PLPP1: variants seen among roughly 807,000 people sequenced by gnomAD.
PLPP1 encodes phospholipid phosphatase 1.
Under a neutral mutation model 31.2 loss-of-function variants are expected in PLPP1, and 24 were observed. The observed-to-expected ratio is 0.77, with a 90% CI of 0.56 to 1.08. PLPP1 has a LOEUF of 1.08. Ranked by LOEUF, PLPP1 falls within the 50% of genes least tolerant of loss-of-function variation. The pLI, the probability that PLPP1 is intolerant of heterozygous loss-of-function variation, is 0.00. For synonymous variants in PLPP1, 146 were observed against 126.3 expected (o/e 1.16, Z -1.05); for missense variants, 319 against 342.7 (o/e 0.93, Z 0.55).
chr5:55,503,502 G>A (rs1295598225), intron 1 of PLPP1, among the ~76,000 whole-genome samples: 7 of 152,066 alleles, frequency 4.6e-5, no homozygotes, highest in Middle Eastern at 3.4e-3. Context: ...TTGGCTGGGT[G>A]CGGTAGTTCA....
intron 1 of PLPP1, among the ~76,000 whole-genome samples, chr5:55,479,357 T>C (rs1277561221): frequency 6.6e-6 from 1 of 152,196 alleles, no homozygotes; most frequent in Non-Finnish European, 1.5e-5. Flanking sequence ...CATTACCCAG[T>C]GCCATTTCAT....
intron 1 of PLPP1, among the ~76,000 whole-genome samples, chr5:55,487,043 A>G (rs1459447438): frequency 2.0e-5 from 3 of 152,204 alleles, no homozygotes; most frequent in Non-Finnish European, 1.5e-5. Context: ...CTATACTGTT[A>G]TTTTAGGCTA....
At chr5:55,428,659 GC>G (rs1751267879) in intron 4 of PLPP1, among the ~76,000 whole-genome samples, 3 of 152,196 alleles carry the variant, frequency 2.0e-5, no homozygotes, top group African/African-American at 7.2e-5. Flanking sequence ...AATGTCTGAA[GC>G]TTCTCAATAC....
chr5:55,467,617 A>G (rs1470510634), intron 3 of PLPP1, among the ~76,000 whole-genome samples: 4 of 151,996 alleles, frequency 2.6e-5, no homozygotes, highest in Admixed American at 1.3e-4. Context: ...TAAATGATCT[A>G]TAAGGTTCAT....
At chr5:55,444,743 TTGTGTG>T (rs1554037412) in intron 3 of PLPP1, among the ~76,000 whole-genome samples, 5 of 137,268 alleles carry the variant, frequency 3.6e-5, no homozygotes, top group African/African-American at 1.4e-4. Flanking sequence ...GGATTCTATT[TTGTGTG>T]TGTGTGTGTG....
rs924063268 is a variant in PLPP1 at position 55,534,712 on chromosome 5, C to T, written c.-83G>A. On this transcript the variant is annotated 5_prime_UTR_variant, in exon 1 of 6. Coordinates refer to ENST00000307259, the MANE Select transcript of PLPP1 (RefSeq NM_003711.4). ...AGGCCCTTGATTCTCGAGCCCGGGCCGGGGCTGGCGACGGCCCCGAGCTAC... is the reference window on the plus strand; with the variant it reads ...AGGCCCTTGATTCTCGAGCCCGGGCTGGGGCTGGCGACGGCCCCGAGCTAC... The T allele has an allele frequency of 7.1e-7, 1 of 1,409,576 alleles. No homozygotes were observed. The highest frequency in any genetic ancestry group is 2.2e-5 in the Admixed American group (1 of 44,958). The allele number at this position is 1,409,576 out of a possible 1,614,324, so 87.3% of individuals were successfully genotyped here. A position where few individuals can be genotyped will look rare whatever the true frequency, so the allele number is the denominator to read the frequency against.
chr5:55,506,916 C>A (rs551742265), intron 1 of PLPP1, among the ~76,000 whole-genome samples: 1 of 152,176 alleles, frequency 6.6e-6, no homozygotes, highest in East Asian at 1.9e-4. Flanking sequence ...TTATTCCAAA[C>A]TTAAGGAATG....
intron 1 of PLPP1, among the ~76,000 whole-genome samples, chr5:55,533,657 G>C (rs1297896406): frequency 2.0e-5 from 3 of 152,196 alleles, no homozygotes; most frequent in Non-Finnish European, 4.4e-5. Flanking sequence ...ACTTCAACAT[G>C]AGTAGGACTA....
chr5:55,521,011 A>G (rs572856866), intron 1 of PLPP1, among the ~76,000 whole-genome samples: 34 of 152,200 alleles, frequency 2.2e-4, no homozygotes, highest in African/African-American at 8.2e-4. Flanking sequence ...CAGGAGTTCC[A>G]GACCAACCTG....
chr5:55,489,191 T>C (rs1221285474), intron 1 of PLPP1, among the ~76,000 whole-genome samples: 3 of 152,120 alleles, frequency 2.0e-5, no homozygotes, highest in Non-Finnish European at 2.9e-5. Context: ...AGAGCAAAAC[T>C]CCATCTCAAA....
At chr5:55,484,425 A>G (rs1197351430) in intron 1 of PLPP1, 1 of 152,126 alleles carries the variant, frequency 6.6e-6, no homozygotes, top group Admixed American at 6.6e-5. Context: ...TTTTTTCAAC[A>G]ATAGAAACCC....
At chr5:55,491,036 A>T (rs1413873847) in intron 1 of PLPP1, 1 of 1,613,604 alleles carries the variant, frequency 6.2e-7, no homozygotes, top group Non-Finnish European at 8.5e-7. Context: ...CGGATAGTTG[A>T]TGCTGTTGTC....
intron 4 of PLPP1, among the ~76,000 whole-genome samples, chr5:55,435,867 C>T (rs1210697750): frequency 6.6e-6 from 1 of 151,944 alleles, no homozygotes; most frequent in African/African-American, 2.4e-5. Context: ...TCCTCCCTGT[C>T]TCTTTGTACT....
At chr5:55,425,578 T>C in intron 5 of PLPP1, 1 of 452,566 alleles carries the variant, frequency 2.2e-6, no homozygotes. Flanking sequence ...GAGTTATTTC[T>C]ACATGTGAAT....
chr5:55,449,485 A>G (rs1378746551), intron 3 of PLPP1, among the ~76,000 whole-genome samples: 1 of 152,194 alleles, frequency 6.6e-6, no homozygotes, highest in Non-Finnish European at 1.5e-5. Context: ...AGTTTCCCCA[A>G]GAGTTTCTTG....
At chr5:55,489,070 C>T (rs1290727379) in intron 1 of PLPP1, among the ~76,000 whole-genome samples, 3 of 151,892 alleles carry the variant, frequency 2.0e-5, no homozygotes, top group African/African-American at 4.8e-5. Context: ...TGGCAGCGCA[C>T]GCCTATAGTC....
At chr5:55,432,095 CTTCTTTTTTT>C (rs1388792807) in intron 4 of PLPP1, among the ~76,000 whole-genome samples, 5 of 145,920 alleles carry the variant, frequency 3.4e-5, no homozygotes, top group African/African-American at 1.0e-4. Flanking sequence ...TTTTCTTTTT[CTTCTTTTTTT>C]TTTTTTTTTT....
intron 5 of PLPP1, 161 bp from the exon 6 acceptor site, chr5:55,425,495 AG>A (rs1172243463): frequency 3.1e-6 from 2 of 639,314 alleles, no homozygotes; most frequent in African/African-American, 3.8e-5. Context: ...GATTTTTTAA[AG>A]ATTATTCCAA....
At chr5:55,493,105 G>A (rs1561245295) in intron 1 of PLPP1, among the ~76,000 whole-genome samples, 1 of 152,142 alleles carries the variant, frequency 6.6e-6, no homozygotes, top group African/African-American at 2.4e-5. Flanking sequence ...TTAAGTTCAG[G>A]AGTTCAAGAC....
Sources: gnomAD v4.1 joint callset for allele counts (sites outside exome capture counted in the v4.1 genomes callset) on GRCh38, gnomAD v4.1.1 for gene constraint, MANE v1.5 for transcripts, NCBI Gene and HGNC (gene_info 2026-07-23, HGNC 2026-07-21) for gene names.